FAM169A: variants seen among roughly 807,000 people sequenced by gnomAD.
FAM169A encodes soluble lamin-associated protein of 75 kDa.
A neutral mutation model predicts 75.7 loss-of-function variants in FAM169A; 24 were observed. The observed-to-expected ratio is 0.32, with a 90% CI of 0.23 to 0.45. The LOEUF is 0.45. Among genes scored for constraint, FAM169A ranks in the 20% least tolerant of loss-of-function variants. The probability of loss-of-function intolerance (pLI) is 1.00; values close to 1 mark genes in which losing one functional copy is unlikely to be tolerated. For missense variants in FAM169A, 673 were observed against 784.0 expected (o/e 0.86, Z 1.69); for synonymous variants, 271 against 271.0 (o/e 1.00, Z 0.00).
chr5:74,857,548 T>A (rs537426694), intron 1 of FAM169A, among the ~76,000 whole-genome samples: 94 of 115,760 alleles, frequency 8.1e-4, no homozygotes, highest in Non-Finnish European at 1.4e-3. Context: ...CCAGTCTGGG[T>A]GACAGAGCCA....
intron 5 of FAM169A, among the ~76,000 whole-genome samples, chr5:74,825,134 A>C (rs1158247721): frequency 6.6e-6 from 1 of 152,114 alleles, no homozygotes; most frequent in East Asian, 1.9e-4. Context: ...AATATTTATT[A>C]CTATCTCTCT....
At chr5:74,784,607 TAAAAAA>T (rs70976133) in intron 11 of FAM169A, among the ~76,000 whole-genome samples, 1 of 60,564 alleles carries the variant, frequency 1.7e-5, no homozygotes, top group African/African-American at 6.8e-5. Context: ...CAACCCAGGC[TAAAAAA>T]AAAAAAAAAA....
intron 4 of FAM169A, among the ~76,000 whole-genome samples, chr5:74,835,917 T>C (rs1350560252): frequency 2.6e-5 from 4 of 152,206 alleles, no homozygotes; most frequent in Non-Finnish European, 5.9e-5. Flanking sequence ...ACATAGCCTA[T>C]AAATATTTGA....
rs1431411551 is a variant in FAM169A at position 74,780,127 on chromosome 5, T to C, written c.*1333A>G. 1 of 152,204 alleles carries C rather than the reference T, an allele frequency of 6.6e-6. No individual in the cohort carries two copies. The highest frequency in any genetic ancestry group is 2.1e-4 in the South Asian group (1 of 4,832). 9.4% of individuals were successfully genotyped at this position (152,204 alleles called of 1,614,324 possible). ...CAAAAAATAACAGTTCAGTGTTTTT[T>C]TTCTTCAAATTTTCCTAGGCCTTTG... On this transcript the variant is annotated 3_prime_UTR_variant, in exon 13 of 13. Transcript: ENST00000687041.
intron 1 of FAM169A, among the ~76,000 whole-genome samples, chr5:74,847,630 C>A (rs1309413179): frequency 1.3e-5 from 2 of 152,094 alleles, no homozygotes; most frequent in Non-Finnish European, 2.9e-5. Context: ...TAAATGTTCA[C>A]CTGAATATAA....
intron 5 of FAM169A, among the ~76,000 whole-genome samples, chr5:74,814,430 T>C (rs1747366721): frequency 6.6e-6 from 1 of 152,146 alleles, no homozygotes; most frequent in Admixed American, 6.5e-5. Context: ...TCCTTTTTTT[T>C]TCTTTGAGGA....
intron 1 of FAM169A, among the ~76,000 whole-genome samples, chr5:74,860,633 C>T (rs751605457): frequency 2.4e-4 from 37 of 152,124 alleles, no homozygotes; most frequent in South Asian, 4.2e-4. Context: ...TTGGGAGCTA[C>T]CAGTGTATAT....
At chr5:74,790,457 C>T (rs1745918420) in intron 11 of FAM169A, among the ~76,000 whole-genome samples, 1 of 152,170 alleles carries the variant, frequency 6.6e-6, no homozygotes, top group Admixed American at 6.6e-5. Context: ...TTGAAAGAAG[C>T]ATGATTGGAA....
At chr5:74,813,233 C>A (rs907499979) in intron 6 of FAM169A, among the ~76,000 whole-genome samples, 2 of 152,140 alleles carry the variant, frequency 1.3e-5, no homozygotes, top group African/African-American at 4.8e-5. Flanking sequence ...TCTGGAACTG[C>A]TGGCTATGAT....
At chr5:74,841,918 T>C in intron 1 of FAM169A, among the ~76,000 whole-genome samples, 1 of 152,122 alleles carries the variant, frequency 6.6e-6, no homozygotes, top group East Asian at 1.9e-4. Flanking sequence ...AACAGATACG[T>C]CCTTACATAA....
chr5:74,854,917 C>T (rs539441004), intron 1 of FAM169A, among the ~76,000 whole-genome samples: 3 of 152,274 alleles, frequency 2.0e-5, no homozygotes, highest in African/African-American at 4.8e-5. Context: ...GCAATAAACA[C>T]GGGAGTGCAG....
At chr5:74,786,344 C>T (rs775949434) in intron 11 of FAM169A, among the ~76,000 whole-genome samples, 2 of 152,152 alleles carry the variant, frequency 1.3e-5, no homozygotes, top group South Asian at 2.1e-4. Context: ...TCTAGAGGAA[C>T]AGAATATTAA....
chr5:74,866,543 G>C, upstream of FAM169A: 1 of 534,318 alleles, frequency 1.9e-6, no homozygotes, highest in Non-Finnish European at 2.4e-6. Context: ...GGCAGGTGCG[G>C]GCTTGGCCAG....
At chr5:74,809,430 T>TA (rs942048046) in intron 6 of FAM169A, among the ~76,000 whole-genome samples, 2 of 151,008 alleles carry the variant, frequency 1.3e-5, no homozygotes, top group African/African-American at 2.4e-5. Context: ...CCATCTCTAC[T>TA]AAAAAAATAC....
intron 5 of FAM169A, among the ~76,000 whole-genome samples, chr5:74,824,410 TA>T (rs1295377149): frequency 1.3e-5 from 2 of 152,194 alleles, no homozygotes; most frequent in Non-Finnish European, 2.9e-5. Flanking sequence ...TCCACTGAAT[TA>T]ACCAGTGATT....
At chr5:74,793,921 TGAACCCAG>T in intron 11 of FAM169A, among the ~76,000 whole-genome samples, 1 of 143,402 alleles carries the variant, frequency 7.0e-6, no homozygotes, top group South Asian at 2.2e-4. Context: ...GAGAATGGCA[TGAACCCAG>T]GAGGCAGAGC....
intron 3 of FAM169A, among the ~76,000 whole-genome samples, chr5:74,839,295 G>C (rs2112667206): frequency 6.6e-6 from 1 of 152,116 alleles, no homozygotes; most frequent in South Asian, 2.1e-4. Flanking sequence ...CCTACATGTA[G>C]AGGGAGGGAC....
Position 74,804,586 on chromosome 5 carries a change from A to G in FAM169A, c.819T>C (p.Pro273=). The G allele has an allele frequency of 6.2e-7, 1 of 1,607,336 alleles. No individual in the cohort carries two copies. The highest frequency in any genetic ancestry group is 8.5e-7 in the Non-Finnish European group (1 of 1,175,700). The change falls in exon 8 of 13, where the codon CCT becomes CCC. Residue 273 remains proline (P), a synonymous_variant. Transcript: ENST00000687041. The part of the protein sequence containing the change: ...LKILALSQNE[P]KRPMSGEYGP... ...CATATTCTCCAGACATAGGTCTTTTAGGTTCATTTTGAGAAAGTGCTGCGT... is the reference window on the plus strand; with the variant it reads ...CATATTCTCCAGACATAGGTCTTTTGGGTTCATTTTGAGAAAGTGCTGCGT...
At chr5:74,786,731 A>G (rs1228568249) in intron 11 of FAM169A, among the ~76,000 whole-genome samples, 1 of 152,180 alleles carries the variant, frequency 6.6e-6, no homozygotes, top group Non-Finnish European at 1.5e-5. Flanking sequence ...TATCTCCTGT[A>G]GACAAAGAGC....
Sources: gnomAD v4.1 joint callset for allele counts (sites outside exome capture counted in the v4.1 genomes callset) on GRCh38, gnomAD v4.1.1 for gene constraint, MANE v1.5 for transcripts, NCBI Gene and HGNC (gene_info 2026-07-23, HGNC 2026-07-21) for gene names.